CCSER1: variants seen among roughly 807,000 people sequenced by gnomAD.
CCSER1 encodes the protein coiled-coil serine rich protein 1.
A neutral mutation model predicts 82.0 loss-of-function variants in CCSER1; 41 were observed. The observed-to-expected ratio is 0.50, with a 90% CI of 0.39 to 0.65. The LOEUF (loss-of-function observed/expected upper bound fraction) is 0.65. Ranked by LOEUF, CCSER1 falls within the 30% of genes least tolerant of loss-of-function variation. The probability of loss-of-function intolerance (pLI) is 0.00; values close to 1 mark genes in which losing one functional copy is unlikely to be tolerated. For missense variants in CCSER1, 1,119 were observed against 1,064.2 expected (o/e 1.05, Z -0.72); for synonymous variants, 414 against 383.9 (o/e 1.08, Z -0.92).
chr4:91,021,667 C>T (rs1739980687), intron 9 of CCSER1, among the ~76,000 whole-genome samples: 1 of 152,026 alleles, frequency 6.6e-6, no homozygotes, highest in Admixed American at 6.6e-5. Flanking sequence ...ATGTATTGAC[C>T]ATCTACTATG....
rs931449198 is a variant in CCSER1 at position 91,489,975 on chromosome 4, A to T, written c.2218-108597A>T. ...TCTCAAAAAAGAGATACAAACAGCA[A>T]ACAAGTGTACAAAAAGGTGTTCAAC... is the stretch of plus-strand genomic sequence containing the variant. On this transcript the variant is annotated intron_variant, in intron 10 of 10. Transcript: ENST00000509176. Among the ~76,000 whole-genome samples, 11 of 152,328 alleles carry T rather than the reference A, an allele frequency of 7.2e-5. No individual in the cohort carries two copies. The East Asian group carries it at 2.1e-3, about 29-fold the overall frequency.
intron 5 of CCSER1, among the ~76,000 whole-genome samples, chr4:90,502,890 A>T (rs1178069268): frequency 1.3e-5 from 2 of 152,116 alleles, no homozygotes; most frequent in Non-Finnish European, 2.9e-5. Context: ...CTTTCCTCAA[A>T]GGTGTTTTCT....
chr4:90,424,096 A>C (rs895253182), intron 4 of CCSER1, among the ~76,000 whole-genome samples: 38 of 151,994 alleles, frequency 2.5e-4, no homozygotes, highest in African/African-American at 8.0e-4. Context: ...GTCTCAAAAA[A>C]AAAAAAAAGA....
At chr4:90,602,763 GTGAATACTA>G (rs1245915531) in intron 5 of CCSER1, among the ~76,000 whole-genome samples, 1 of 152,120 alleles carries the variant, frequency 6.6e-6, no homozygotes, top group Non-Finnish European at 1.5e-5. Flanking sequence ...AAGAGTGCAG[GTGAATACTA>G]TGCACATAGG....
At chr4:90,504,593 A>G (rs2153613475) in intron 5 of CCSER1, among the ~76,000 whole-genome samples, 1 of 152,334 alleles carries the variant, frequency 6.6e-6, no homozygotes, top group South Asian at 2.1e-4. Context: ...CTCCATGTCT[A>G]ATAAGGATCT....
intron 10 of CCSER1, among the ~76,000 whole-genome samples, chr4:91,220,689 G>T (rs1176410471): frequency 6.6e-6 from 1 of 151,982 alleles, no homozygotes; most frequent in African/African-American, 2.4e-5. Flanking sequence ...ACATAACCCT[G>T]CAAGCAGTTG....
intron 10 of CCSER1, among the ~76,000 whole-genome samples, chr4:91,447,825 T>G (rs1755653866): frequency 6.6e-6 from 1 of 152,264 alleles, no homozygotes; most frequent in East Asian, 1.9e-4. Context: ...ATATACTTAT[T>G]TGTCTACATG....
At chr4:91,242,107 T>C (rs923038588) in intron 10 of CCSER1, among the ~76,000 whole-genome samples, 2 of 152,130 alleles carry the variant, frequency 1.3e-5, no homozygotes, top group Admixed American at 1.3e-4. Context: ...GGGAGATCTT[T>C]AAGCAGAGGT....
At chr4:90,406,871 A>G (rs537621267) in intron 4 of CCSER1, among the ~76,000 whole-genome samples, 17 of 152,216 alleles carry the variant, frequency 1.1e-4, no homozygotes, top group Admixed American at 4.6e-4. Context: ...CTAAGAGGAA[A>G]GTTCATAGAA....
intron 10 of CCSER1, among the ~76,000 whole-genome samples, chr4:91,463,646 G>A (rs546404690): frequency 1.1e-4 from 16 of 152,180 alleles, no homozygotes; most frequent in African/African-American, 3.6e-4. Flanking sequence ...AACCAGTGTA[G>A]AGAAGTCCTT....
intron 10 of CCSER1, among the ~76,000 whole-genome samples, chr4:91,306,580 G>A (rs186510939): frequency 3.9e-4 from 59 of 151,962 alleles, no homozygotes; most frequent in Non-Finnish European, 6.8e-4. Context: ...ACCTAAACAC[G>A]TTAATTCTTT....
intron 1 of CCSER1, among the ~76,000 whole-genome samples, chr4:90,128,956 A>G (rs1380845199): frequency 6.6e-6 from 1 of 152,112 alleles, no homozygotes; most frequent in Non-Finnish European, 1.5e-5. Flanking sequence ...AGAAAAAAAT[A>G]CTTCTTAGAA....
intron 10 of CCSER1, among the ~76,000 whole-genome samples, chr4:91,172,753 A>C (rs1732893366): frequency 6.6e-6 from 1 of 152,204 alleles, no homozygotes; most frequent in Non-Finnish European, 1.5e-5. Flanking sequence ...GGGATGAAGA[A>C]AATAAAATCT....
chr4:90,930,994 A>G (rs1729719110), intron 9 of CCSER1, among the ~76,000 whole-genome samples: 1 of 146,024 alleles, frequency 6.8e-6, no homozygotes, highest in South Asian at 2.1e-4. Context: ...ATATTGACAT[A>G]CACACATAAA....
intron 1 of CCSER1, among the ~76,000 whole-genome samples, chr4:90,138,334 G>T (rs762867489): frequency 3.3e-5 from 5 of 152,106 alleles, no homozygotes; most frequent in African/African-American, 1.2e-4. Context: ...TGGGATTACA[G>T]GTGCGCCCCA....
At chr4:91,444,801 T>A (rs6854368) in intron 10 of CCSER1, among the ~76,000 whole-genome samples, 123,318 of 152,156 alleles carry the variant, frequency 0.81, 50,229 homozygotes, top group East Asian at 0.92. Flanking sequence ...CAGATGATGG[T>A]GAAAACGTTT....
In CCSER1 at chr4:91,449,225, T is replaced by C. The variant is rs534730878; in HGVS notation, c.2218-149347T>C. ...CCACAGAATGAGTCACTCACTCCTC[T>C]ATGCTCCTGAAGCAGATGTGGTAAT... On this transcript the variant is annotated intron_variant, in intron 10 of 10. Transcript: ENST00000509176. Among the ~76,000 whole-genome samples, 4 of 152,180 alleles carry C rather than the reference T, an allele frequency of 2.6e-5. No individual in the cohort carries two copies. The East Asian group carries it at 7.7e-4, about 29-fold the overall frequency.
chr4:91,062,632 C>A (rs1024689827), intron 9 of CCSER1, among the ~76,000 whole-genome samples: 1 of 152,046 alleles, frequency 6.6e-6, no homozygotes, highest in Non-Finnish European at 1.5e-5. Context: ...GCAAGTCAAG[C>A]AGATTAATAT....
At chr4:90,733,047 A>G (rs551861982) in intron 7 of CCSER1, among the ~76,000 whole-genome samples, 11 of 152,186 alleles carry the variant, frequency 7.2e-5, no homozygotes, top group Non-Finnish European at 1.6e-4. Flanking sequence ...GAATATATCT[A>G]GCAGTGGGAT....
Sources: gnomAD v4.1 joint callset for allele counts (sites outside exome capture counted in the v4.1 genomes callset) on GRCh38, gnomAD v4.1.1 for gene constraint, MANE v1.5 for transcripts, NCBI Gene and HGNC (gene_info 2026-07-23, HGNC 2026-07-21) for gene names.